Variants in RBFOX1 observed in about 807,000 individuals in gnomAD.
The protein encoded by RBFOX1 is RNA binding protein fox-1 homolog 1.
A neutral mutation model predicts 57.7 loss-of-function variants in RBFOX1; 8 were observed. The ratio of observed to expected loss-of-function variants is 0.14; its 90% CI spans 0.08 to 0.25. The LOEUF is 0.25. Ranked by LOEUF, RBFOX1 falls within the 10% of genes least tolerant of loss-of-function variation. The pLI is 1.00. For synonymous variants in RBFOX1, 326 were observed against 222.4 expected (o/e 1.47, Z -4.15); for missense variants, 611 against 548.5 (o/e 1.11, Z -1.14).
At chr16:6,948,024 C>G (rs2079911510) in intron 3 of RBFOX1, among the ~76,000 whole-genome samples, 2 of 152,180 alleles carry the variant, frequency 1.3e-5, no homozygotes, top group African/African-American at 4.8e-5. Context: ...AGCAGTCCAG[C>G]TGCCTTCACC....
chr16:5,622,085 A>C (rs2048216503), intron 3 of RBFOX1, among the ~76,000 whole-genome samples: 1 of 151,928 alleles, frequency 6.6e-6, no homozygotes, highest in Admixed American at 6.5e-5. Flanking sequence ...ATTCCTGAAA[A>C]ATGTGTTCTT....
At chr16:5,389,139 C>T (rs1407374466) in intron 1 of RBFOX1, among the ~76,000 whole-genome samples, 2 of 151,590 alleles carry the variant, frequency 1.3e-5, no homozygotes, top group Non-Finnish European at 2.9e-5. Context: ...TGCAGTGAGC[C>T]GAGATCGCGC....
In RBFOX1 at chr16:6,548,368, T is replaced by C. The variant is rs534156639; in HGVS notation, c.-63-106235T>C. Among the ~76,000 whole-genome samples the C allele has an allele frequency of 2.0e-5, 3 of 152,258 alleles. No individual in the cohort carries two copies. In the East Asian group the frequency reaches 5.8e-4, roughly 30 times the overall value. On this transcript the variant is annotated intron_variant, in intron 2 of 15. Transcript: ENST00000550418. ...AGAATTCCAAAGGCGGAGGTCTCAATATCAAATTGTTGGGGGGTATGTAGT... is the reference window on the plus strand; with the variant it reads ...AGAATTCCAAAGGCGGAGGTCTCAACATCAAATTGTTGGGGGGTATGTAGT...
At chr16:6,252,120 C>T (rs2097619266) in intron 1 of RBFOX1, among the ~76,000 whole-genome samples, 2 of 152,060 alleles carry the variant, frequency 1.3e-5, no homozygotes, top group African/African-American at 4.8e-5. Flanking sequence ...TATGACAGTC[C>T]AGTCCTCCAC....
intron 13 of RBFOX1, among the ~76,000 whole-genome samples, chr16:7,670,660 C>A (rs1017025052): frequency 6.6e-6 from 1 of 152,136 alleles, no homozygotes; most frequent in African/African-American, 2.4e-5. Context: ...TAAGCTTAGA[C>A]TTTTAACATA....
chr16:6,841,187 C>G (rs563399220), intron 3 of RBFOX1, among the ~76,000 whole-genome samples: 7 of 152,152 alleles, frequency 4.6e-5, no homozygotes, highest in African/African-American at 1.7e-4. Context: ...CAGACTAAGA[C>G]AATGATTATG....
At chr16:7,656,441 T>C (rs998167585) in intron 12 of RBFOX1, among the ~76,000 whole-genome samples, 2 of 143,942 alleles carry the variant, frequency 1.4e-5, no homozygotes, top group Admixed American at 6.7e-5. Context: ...AGGAGCTGGC[T>C]GGAAGAGCAA....
intron 3 of RBFOX1, among the ~76,000 whole-genome samples, chr16:6,867,577 G>T (rs2060159027): frequency 6.6e-6 from 1 of 152,098 alleles, no homozygotes; most frequent in South Asian, 2.1e-4. Flanking sequence ...AAATTAGCCA[G>T]GCGTGGTGGT....
At chr16:5,934,397 G>A (rs990315188) in intron 4 of RBFOX1, among the ~76,000 whole-genome samples, 1 of 152,150 alleles carries the variant, frequency 6.6e-6, no homozygotes, top group African/African-American at 2.4e-5. Context: ...TTGCATTTAT[G>A]TAAAGCTTCC....
chr16:7,582,195 C>G (rs1291074503), intron 6 of RBFOX1, among the ~76,000 whole-genome samples: 1 of 152,064 alleles, frequency 6.6e-6, no homozygotes, highest in Non-Finnish European at 1.5e-5. Context: ...ACTTTAAAGT[C>G]AAGATTTTCA....
intron 3 of RBFOX1, among the ~76,000 whole-genome samples, chr16:5,714,881 C>G (rs1307564215): frequency 2.0e-5 from 3 of 150,254 alleles, no homozygotes; most frequent in Non-Finnish European, 2.9e-5. Context: ...TAGTAGACAT[C>G]TCAGTGACTT....
chr16:6,344,677 G>A (rs2085086302), intron 2 of RBFOX1, among the ~76,000 whole-genome samples: 3 of 144,106 alleles, frequency 2.1e-5, no homozygotes, highest in South Asian at 2.2e-4. Flanking sequence ...GATTACAGGC[G>A]TGAGCCACCG....
intron 3 of RBFOX1, among the ~76,000 whole-genome samples, chr16:6,785,580 G>C (rs530773068): frequency 1.3e-5 from 2 of 152,218 alleles, no homozygotes; most frequent in African/African-American, 4.8e-5. Context: ...GTGGGGACAA[G>C]TTTTCCATTA....
At chr16:5,640,517 TACAC>T (rs1261555307) in intron 3 of RBFOX1, among the ~76,000 whole-genome samples, 1 of 147,434 alleles carries the variant, frequency 6.8e-6, no homozygotes, top group Non-Finnish European at 1.5e-5. Context: ...TACATGCACA[TACAC>T]ACATGCACAT....
rs908714787 is a variant in RBFOX1, at chr16:5,570,793, T to C, written c.259-28109T>C. Among the ~76,000 whole-genome samples the C allele has an allele frequency of 2.0e-5, 3 of 150,448 alleles. No homozygotes were observed. In the Admixed American group the frequency reaches 2.0e-4, roughly 10 times the overall value. On this transcript the variant is annotated intron_variant, in intron 2 of 2. Transcript: ENST00000585867. ...AGATCGAGGTTGTAGTGAGCTGAGATTGCACCACCGTACTCCAGTCTGGGC... is the reference window on the plus strand; with the variant it reads ...AGATCGAGGTTGTAGTGAGCTGAGACTGCACCACCGTACTCCAGTCTGGGC...
At chr16:5,989,157 A>G (rs932502688) in intron 4 of RBFOX1, among the ~76,000 whole-genome samples, 11 of 104,552 alleles carry the variant, frequency 1.1e-4, no homozygotes, top group Non-Finnish European at 1.5e-4. Context: ...TGTCTCTACT[A>G]AAAAAAAAAA....
intron 7 of RBFOX1, among the ~76,000 whole-genome samples, chr16:7,591,372 C>A (rs2094436156): frequency 1.3e-5 from 2 of 152,064 alleles, no homozygotes; most frequent in Admixed American, 1.3e-4. Flanking sequence ...GTACCTTCAT[C>A]CATCCAGGGT....
chr16:6,113,044 G>T (rs1015000656), intron 1 of RBFOX1, among the ~76,000 whole-genome samples: 1 of 152,134 alleles, frequency 6.6e-6, no homozygotes, highest in African/African-American at 2.4e-5. Flanking sequence ...CCATCCTAAA[G>T]CATAGTTCCT....
intron 3 of RBFOX1, among the ~76,000 whole-genome samples, chr16:6,926,212 C>G (rs773258235): frequency 2.0e-5 from 3 of 152,156 alleles, no homozygotes; most frequent in Non-Finnish European, 2.9e-5. Context: ...GAGGCTGAGG[C>G]AGGAGACTCC....
Sources: gnomAD v4.1 joint callset for allele counts (sites outside exome capture counted in the v4.1 genomes callset) on GRCh38, gnomAD v4.1.1 for gene constraint, MANE v1.5 for transcripts, NCBI Gene and HGNC (gene_info 2026-07-23, HGNC 2026-07-21) for gene names.